RBFOX1: variants seen among roughly 807,000 people sequenced by gnomAD.
RBFOX1 encodes the protein RNA binding fox-1 homolog 1, also known as RNA binding protein fox-1 homolog 1.
Under a neutral mutation model 57.7 loss-of-function variants are expected in RBFOX1, and 8 were observed. The observed-to-expected ratio is 0.14, with a 90% CI of 0.08 to 0.25. The LOEUF is 0.25. Among genes scored for constraint, RBFOX1 ranks in the 10% least tolerant of loss-of-function variants. The pLI is 1.00. For missense variants in RBFOX1, 611 were observed against 548.5 expected (o/e 1.11, Z -1.14); for synonymous variants, 326 against 222.4 (o/e 1.47, Z -4.15).
intron 3 of RBFOX1, among the ~76,000 whole-genome samples, chr16:5,713,502 G>A (rs1284199029): frequency 6.6e-6 from 1 of 152,076 alleles, no homozygotes; most frequent in African/African-American, 2.4e-5. Flanking sequence ...TCTCATCTTT[G>A]TTGACTCTTT....
chr16:7,380,783 A>G lies in RBFOX1; in HGVS notation c.28-137364A>G, dbSNP rs935591028. ...TCTCTAGGGGAAAATAAGAAATGTA[A>G]TAATAAACTTAAAATCCCTAATGAG... On this transcript the variant is annotated intron_variant, in intron 4 of 15. Transcript: ENST00000550418. 5.3e-5 allele frequency among the ~76,000 whole-genome samples: 8 copies of G among 152,252 alleles called. No individual in the cohort carries two copies. The South Asian group carries it at 8.3e-4, about 16-fold the overall frequency.
At chr16:7,072,309 C>A (rs2057491097) in intron 4 of RBFOX1, among the ~76,000 whole-genome samples, 1 of 152,166 alleles carries the variant, frequency 6.6e-6, no homozygotes, top group Non-Finnish European at 1.5e-5. Flanking sequence ...TCATCACTTT[C>A]ATTACAGTGC....
chr16:6,638,711 G>A (rs891278060), intron 2 of RBFOX1, among the ~76,000 whole-genome samples: 1 of 152,042 alleles, frequency 6.6e-6, no homozygotes, highest in Non-Finnish European at 1.5e-5. Context: ...CACTCATTCC[G>A]GAGTACAAAA....
intron 4 of RBFOX1, among the ~76,000 whole-genome samples, chr16:7,417,716 TC>T (rs1390084830): frequency 1.3e-5 from 2 of 152,210 alleles, no homozygotes; most frequent in Non-Finnish European, 2.9e-5. Context: ...CTTAATGTGT[TC>T]TCCATCTTTA....
At chr16:6,687,444 A>T (rs2059602264) in intron 3 of RBFOX1, among the ~76,000 whole-genome samples, 1 of 152,218 alleles carries the variant, frequency 6.6e-6, no homozygotes, top group Non-Finnish European at 1.5e-5. Context: ...TACTGAAATT[A>T]AAAATATGTA....
At chr16:7,696,926 T>G (rs563845259) in intron 14 of RBFOX1, among the ~76,000 whole-genome samples, 14 of 151,824 alleles carry the variant, frequency 9.2e-5, no homozygotes, top group Non-Finnish European at 1.6e-4. Context: ...TGTCCAGGAG[T>G]AAGACATCCA....
intron 3 of RBFOX1, among the ~76,000 whole-genome samples, chr16:6,966,887 T>C (rs1308983904): frequency 2.3e-5 from 3 of 131,690 alleles, no homozygotes; most frequent in African/African-American, 8.9e-5. Flanking sequence ...ATCCATCTAT[T>C]CATCTCTCCA....
intron 4 of RBFOX1, among the ~76,000 whole-genome samples, chr16:7,423,607 G>A (rs1325397936): frequency 2.0e-5 from 3 of 152,062 alleles, no homozygotes. Flanking sequence ...ACTGACTGTG[G>A]GCACAGGGGA....
chr16:6,904,387 G>T (rs2069238118), intron 3 of RBFOX1, among the ~76,000 whole-genome samples: 1 of 151,808 alleles, frequency 6.6e-6, no homozygotes, highest in African/African-American at 2.4e-5. Flanking sequence ...GATAAGTTGA[G>T]GTCAGGAGTT....
intron 2 of RBFOX1, among the ~76,000 whole-genome samples, chr16:5,595,129 G>T (rs569130988): frequency 2.6e-5 from 4 of 152,026 alleles, no homozygotes; most frequent in African/African-American, 4.8e-5. Flanking sequence ...CTGGGTGTCA[G>T]AGCAAGACTC....
At chr16:6,513,688 C>T (rs1284498125) in intron 2 of RBFOX1, among the ~76,000 whole-genome samples, 4 of 152,064 alleles carry the variant, frequency 2.6e-5, no homozygotes, top group South Asian at 2.1e-4. Flanking sequence ...GAGCCGAAAT[C>T]GCACCATTGC....
At chr16:7,376,955 C>T (rs1356220322) in intron 4 of RBFOX1, among the ~76,000 whole-genome samples, 1 of 152,126 alleles carries the variant, frequency 6.6e-6, no homozygotes, top group Non-Finnish European at 1.5e-5. Flanking sequence ...AAGAGGTAAA[C>T]ATAGTATCCT....
At chr16:6,810,945 A>G (rs1428718894) in intron 3 of RBFOX1, among the ~76,000 whole-genome samples, 2 of 152,168 alleles carry the variant, frequency 1.3e-5, no homozygotes, top group Non-Finnish European at 2.9e-5. Context: ...GTTGCTTCCA[A>G]CCATACACGT....
chr16:6,814,258 A>T (rs1249954978), intron 3 of RBFOX1, among the ~76,000 whole-genome samples: 2 of 129,950 alleles, frequency 1.5e-5, no homozygotes, highest in African/African-American at 5.6e-5. Context: ...GGTGGGGGGG[A>T]GGGAGGAGGT....
chr16:5,256,575 C>T (rs1289745131), intron 1 of RBFOX1, among the ~76,000 whole-genome samples: 1 of 148,194 alleles, frequency 6.7e-6, no homozygotes, highest in Non-Finnish European at 1.5e-5. Context: ...GCAAAGTGTT[C>T]TTCTTTGCCT....
chr16:7,304,493 GCGCGT>G, intron 4 of RBFOX1: 8 of 985,268 alleles, frequency 8.1e-6, no homozygotes, highest in Non-Finnish European at 9.6e-6. Context: ...CAGGTAAGGC[GCGCGT>G]CTGCCCTCGG....
intron 3 of RBFOX1, among the ~76,000 whole-genome samples, chr16:5,817,113 T>C (rs1019323904): frequency 6.6e-6 from 1 of 152,208 alleles, no homozygotes; most frequent in Non-Finnish European, 1.5e-5. Flanking sequence ...TTCCTGTACA[T>C]CTTCCCTGCA....
chr16:5,304,584 A>G (rs1199771477), intron 1 of RBFOX1, among the ~76,000 whole-genome samples: 2 of 152,240 alleles, frequency 1.3e-5, no homozygotes, highest in African/African-American at 4.8e-5. Flanking sequence ...TTGAATAAAT[A>G]TCTATTAAGC....
intron 3 of RBFOX1, among the ~76,000 whole-genome samples, chr16:5,693,367 C>CAG (rs2050751090): frequency 6.7e-6 from 1 of 148,380 alleles, no homozygotes; most frequent in African/African-American, 2.5e-5. Context: ...ATAGGCAGAT[C>CAG]AAAAAAAAAA....
Sources: gnomAD v4.1 joint callset for allele counts (sites outside exome capture counted in the v4.1 genomes callset) on GRCh38, gnomAD v4.1.1 for gene constraint, MANE v1.5 for transcripts, NCBI Gene and HGNC (gene_info 2026-07-23, HGNC 2026-07-21) for gene names.